OCA2: variants seen among roughly 807,000 people sequenced by gnomAD.
OCA2 encodes OCA2 melanosomal transmembrane protein.
OCA2 carries 77 observed loss-of-function variants against 100.2 expected under a neutral mutation model. The observed-to-expected ratio is 0.77, with a 90% CI of 0.64 to 0.93. The LOEUF is 0.93. OCA2 is among the 40% of genes least tolerant of loss of function. OCA2 has a pLI of 0.00. For missense variants in OCA2, 1,062 were observed against 1,089.1 expected, an observed-to-expected ratio of 0.98 and a Z score of 0.35; for synonymous variants, 432 against 439.2, an observed-to-expected ratio of 0.98 and a Z score of 0.21.
chr15:27,722,712 C>T, the OCA2 span, among the ~76,000 whole-genome samples: 2 of 77,682 alleles, frequency 2.6e-5, no homozygotes, highest in African/African-American at 1.5e-4. Flanking sequence ...TCCTTCCTTT[C>T]TTTCTCTCTT....
chr15:28,090,820 G>T (rs2044858033), intron 1 of OCA2, among the ~76,000 whole-genome samples: 1 of 151,884 alleles, frequency 6.6e-6, no homozygotes, highest in Admixed American at 6.6e-5. Flanking sequence ...AAGCAGAAAT[G>T]AGAAATAATG....
intron 2 of OCA2, among the ~76,000 whole-genome samples, chr15:28,041,201 G>A (rs2043190945): frequency 6.6e-6 from 1 of 151,900 alleles, no homozygotes; most frequent in African/African-American, 2.4e-5. Context: ...ATACTGAGAT[G>A]GCTTAAAATG....
intron 21 of OCA2, among the ~76,000 whole-genome samples, chr15:27,863,873 ATC>A (rs1348899653): frequency 6.6e-6 from 1 of 151,914 alleles, no homozygotes. Flanking sequence ...CTGTGCTTAA[ATC>A]TCTGAGTGTC....
chr15:27,994,114 A>C (rs1460837778), intron 9 of OCA2, among the ~76,000 whole-genome samples: 1 of 152,196 alleles, frequency 6.6e-6, no homozygotes, highest in Non-Finnish European at 1.5e-5. Flanking sequence ...GCCACGGACT[A>C]GTACCAGGGC....
intron 2 of OCA2, among the ~76,000 whole-genome samples, chr15:28,067,392 T>C (rs2044058379): frequency 6.6e-6 from 1 of 152,192 alleles, no homozygotes; most frequent in African/African-American, 2.4e-5. Context: ...TTCTTTGGAT[T>C]GGTTTGTTCC....
intron 3 of OCA2, among the ~76,000 whole-genome samples, chr15:28,030,162 T>C (rs1189087458): frequency 6.6e-6 from 1 of 152,224 alleles, no homozygotes; most frequent in Non-Finnish European, 1.5e-5. Context: ...GTACAGAAGC[T>C]TGAAGCAGCT....
At chr15:28,013,370 G>A (rs1490779482) in intron 9 of OCA2, among the ~76,000 whole-genome samples, 1 of 152,194 alleles carries the variant, frequency 6.6e-6, no homozygotes. Flanking sequence ...CCCTTGGCTG[G>A]CTTCTGGGTA....
At chr15:27,782,571 A>G (rs2032599092) in intron 23 of OCA2, among the ~76,000 whole-genome samples, 2 of 152,198 alleles carry the variant, frequency 1.3e-5, no homozygotes, top group Non-Finnish European at 1.5e-5. Flanking sequence ...TATCTAATTG[A>G]TAAAGAATGC....
At chr15:28,088,702 G>T (rs1319918455) in intron 1 of OCA2, among the ~76,000 whole-genome samples, 1 of 152,200 alleles carries the variant, frequency 6.6e-6, no homozygotes, top group East Asian at 1.9e-4. Context: ...ATTTTCAAAA[G>T]GGGAGGGAGT....
chr15:28,024,318 C>T (rs1465848185), intron 5 of OCA2, among the ~76,000 whole-genome samples: 1 of 152,214 alleles, frequency 6.6e-6, no homozygotes, highest in Admixed American at 6.5e-5. Context: ...CAGAATGAGT[C>T]TGTTGTGAAT....
intron 23 of OCA2, among the ~76,000 whole-genome samples, chr15:27,784,591 G>A (rs959344237): frequency 6.6e-6 from 1 of 152,150 alleles, no homozygotes; most frequent in African/African-American, 2.4e-5. Flanking sequence ...AAAGCCTAAT[G>A]GAAAATGTGG....
At chr15:27,742,303 G>T in the OCA2 span, among the ~76,000 whole-genome samples, 1 of 152,186 alleles carries the variant, frequency 6.6e-6, no homozygotes, top group Non-Finnish European at 1.5e-5. Flanking sequence ...GTGCTCTAAA[G>T]CATGATGTTG....
At chr15:28,065,919 T>C (rs1055246117) in intron 2 of OCA2, among the ~76,000 whole-genome samples, 1 of 152,200 alleles carries the variant, frequency 6.6e-6, no homozygotes, top group Non-Finnish European at 1.5e-5. Context: ...TTCAGATTAT[T>C]CATTACTAAC....
chr15:27,983,149 G>A (rs1455117183), intron 14 of OCA2, among the ~76,000 whole-genome samples, 196 bp downstream of exon 14: 1 of 152,100 alleles, frequency 6.6e-6, no homozygotes, highest in Non-Finnish European at 1.5e-5. Flanking sequence ...TGAGTATGAA[G>A]TCAATTCAAG....
At chr15:27,854,817 C>T (rs1341338914) in intron 21 of OCA2, among the ~76,000 whole-genome samples, 1 of 152,140 alleles carries the variant, frequency 6.6e-6, no homozygotes, top group African/African-American at 2.4e-5. Context: ...CCAGCCTCCA[C>T]CCTACAGAAC....
intron 23 of OCA2, among the ~76,000 whole-genome samples, chr15:27,825,470 G>A (rs1459571682): frequency 6.6e-6 from 1 of 152,184 alleles, no homozygotes; most frequent in African/African-American, 2.4e-5. Flanking sequence ...GGGAGGCAGG[G>A]AAGCGGCCCG....
At chr15:27,951,340 C>G (rs1427108782) in intron 18 of OCA2, among the ~76,000 whole-genome samples, 2 of 152,250 alleles carry the variant, frequency 1.3e-5, no homozygotes, top group African/African-American at 4.8e-5. Context: ...GTGGGCCCTG[C>G]AGAGCACCGG....
intron 23 of OCA2, among the ~76,000 whole-genome samples, chr15:27,799,150 A>G (rs2033477498): frequency 6.6e-6 from 1 of 152,218 alleles, no homozygotes; most frequent in South Asian, 2.1e-4. Flanking sequence ...CCAGAGGAAC[A>G]GGGGAGACGA....
chr15:27,853,164 G>A (rs200750592), intron 21 of OCA2, among the ~76,000 whole-genome samples: 2,588 of 86,520 alleles, frequency 0.03, 46 homozygotes, highest in South Asian at 0.24. Context: ...CAAAGACTTG[G>A]AACCAACCCA....
Sources: allele counts gnomAD v4.1 joint callset (sites outside exome capture counted in the v4.1 genomes callset), GRCh38; gene constraint gnomAD v4.1.1; transcripts MANE v1.5; gene names NCBI Gene and HGNC (gene_info 2026-07-23, HGNC 2026-07-21).